The following PTGES3L variants were observed in gnomAD, a reference collection of about 807,000 sequenced individuals.
PTGES3L encodes the protein putative protein PTGES3L.
PTGES3L carries 17 observed loss-of-function variants against 25.0 expected under a neutral mutation model. The ratio of observed to expected loss-of-function variants is 0.68; its 90% CI spans 0.47 to 1.02. The LOEUF (loss-of-function observed/expected upper bound fraction) is 1.02, where lower values mean the gene tolerates loss of function less well. PTGES3L is among the 50% of genes least tolerant of loss of function. The pLI is 0.00. For synonymous variants in PTGES3L, 59 were observed against 65.7 expected, an observed-to-expected ratio of 0.90 and a Z score of 0.50; for missense variants, 202 against 197.5, an observed-to-expected ratio of 1.02 and a Z score of -0.14.
At chr17:42,979,930 A>G in intron 1 of PTGES3L, 116 bp downstream of exon 1, 2 of 1,453,968 alleles carry the variant, frequency 1.4e-6, no homozygotes, top group Middle Eastern at 2.5e-4. Context: ...AGTTACAGAG[A>G]CCAGGGGTCC....
chr17:42,976,955 G>A (rs2049965218), intron 4 of PTGES3L, among the ~76,000 whole-genome samples: 1 of 152,174 alleles, frequency 6.6e-6, no homozygotes, highest in East Asian at 1.9e-4. Flanking sequence ...TAATATTTAA[G>A]AGGTCAGTAG....
chr17:42,969,221 T>A, intron 6 of PTGES3L, 35 bp from the exon 7 acceptor site: 8 of 1,098,416 alleles, frequency 7.3e-6, no homozygotes, highest in Non-Finnish European at 1.1e-5. Flanking sequence ...AAAGCACCTG[T>A]AGACCCTGCA....
chr17:42,979,447 G>C lies in PTGES3L; in HGVS notation c.123-3C>G. 6.2e-7 allele frequency: 1 copy of C among 1,614,200 alleles called. No homozygotes were observed. The highest frequency in any genetic ancestry group is 8.5e-7 in the Non-Finnish European group (1 of 1,180,046). On this transcript the variant is annotated splice_region_variant and splice_polypyrimidine_tract_variant and intron_variant, in intron 2 of 6. Transcript: ENST00000591916. ...CCACTCCATCGGCATTCTTGCAGCT[G>C]AGGAGACAATGAAGCTGAGGAGATG...
chr17:42,976,461 C>A (rs183106768), intron 4 of PTGES3L, among the ~76,000 whole-genome samples: 20 of 152,284 alleles, frequency 1.3e-4, no homozygotes, highest in African/African-American at 4.8e-4. Flanking sequence ...TCACTGCAAC[C>A]TCCACTTCCC....
chr17:42,975,781 A>G (rs962084294), intron 4 of PTGES3L, among the ~76,000 whole-genome samples: 2 of 151,862 alleles, frequency 1.3e-5, no homozygotes, highest in Non-Finnish European at 2.9e-5. Context: ...GGTTCAAGCA[A>G]TTCTCCTGCC....
At position 42,978,042 on chromosome 17, in the gene PTGES3L, A is replaced by C. The variant is rs138399535; in HGVS notation, c.288+1128T>G. Reference sequence around the variant, plus strand: ...TAGTGAGCTGCGATCATGCCATTGCACTCCAGCCTGGGCAACAAGAGCGAA... The same window carrying C: ...TAGTGAGCTGCGATCATGCCATTGCCCTCCAGCCTGGGCAACAAGAGCGAA... On this transcript the variant is annotated intron_variant, in intron 4 of 6. Coordinates refer to ENST00000591916, the MANE Select transcript of PTGES3L (RefSeq NM_001261430.2). Among the ~76,000 whole-genome samples, 490 of 121,406 alleles carry C rather than the reference A, an allele frequency of 4.0e-3. 4 individuals carry two copies. Among genetic ancestry groups the C allele is most frequent in the African/African-American group, 0.014 (463 of 33,352 alleles). 79.6% of individuals were successfully genotyped at this position (121,406 alleles called of 152,430 possible). A position where few individuals can be genotyped will look rare whatever the true frequency, so the allele number is the denominator to read the frequency against.
chr17:42,980,069 A>AAT lies in PTGES3L; in HGVS notation c.-17_-16insAT. ...ACCGTGCCATTGCGGCTCCCGCTCC[A>AAT]GGGTGGCATTTAGAGTTCCAGGCAG... On this transcript the variant is annotated 5_prime_UTR_variant, in exon 1 of 7. Transcript: ENST00000591916. 6.4e-7 allele frequency: 1 copy of AAT among 1,551,380 alleles called. No individual in the cohort carries two copies. The highest frequency in any genetic ancestry group is 8.7e-7 in the Non-Finnish European group (1 of 1,146,920).
chr17:42,977,635 AAGAAAG>A (rs1211094495), intron 4 of PTGES3L, among the ~76,000 whole-genome samples: 4 of 29,078 alleles, frequency 1.4e-4, no homozygotes, highest in African/African-American at 2.1e-4. Context: ...AAGAAAAAGA[AAGAAAG>A]AGAGAGAGGG....
At chr17:42,972,690 C>T (rs542089174) in intron 4 of PTGES3L, among the ~76,000 whole-genome samples, 226 of 152,252 alleles carry the variant, frequency 1.5e-3, no homozygotes, top group Non-Finnish European at 2.4e-3. Flanking sequence ...ACCTCCCAGC[C>T]GCCTGCCTTG....
rs752219984 is a variant in PTGES3L at position 42,971,656 on chromosome 17, C to G, written c.329G>C (p.Trp110Ser). 5 of 1,613,986 alleles carry G rather than the reference C, an allele frequency of 3.1e-6. No individual in the cohort carries two copies. The African/African-American group carries it at 5.3e-5, about 17-fold the overall frequency. ...LSVDFDNWRD[W>S]EGDEEMELAH... ...CAGCTCCATCTCTTCATCCCCTTCC[C>G]AGTCTCTCCAGTTATCAAAGTCCAC... The change falls in exon 5 of 7, where the codon TGG (tryptophan) becomes TCG (serine). Residue 110 changes from tryptophan to serine, a missense_variant. By Grantham distance (177) the Trp-to-Ser change is radical (BLOSUM62 -3). Coordinates refer to ENST00000591916, the MANE Select transcript of PTGES3L (RefSeq NM_001261430.2).
At chr17:42,974,836 G>T (rs937401337) in intron 4 of PTGES3L, among the ~76,000 whole-genome samples, 3 of 151,206 alleles carry the variant, frequency 2.0e-5, no homozygotes, top group Admixed American at 6.6e-5. Context: ...TTGGCACTGG[G>T]TTTATAAAAA....
intron 4 of PTGES3L, among the ~76,000 whole-genome samples, chr17:42,978,540 T>A (rs1441947401): frequency 6.6e-6 from 1 of 152,094 alleles, no homozygotes; most frequent in African/African-American, 2.4e-5. Context: ...GAAAGTAAGT[T>A]AACTGGGAGA....
intron 4 of PTGES3L, among the ~76,000 whole-genome samples, chr17:42,973,055 C>T (rs1440731783): frequency 2.8e-5 from 4 of 140,474 alleles, no homozygotes; most frequent in Non-Finnish European, 6.3e-5. Flanking sequence ...CCGGCCGCCC[C>T]GTCTGAGAAG....
intron 4 of PTGES3L, among the ~76,000 whole-genome samples, chr17:42,976,410 G>A (rs534243662): frequency 2.3e-4 from 35 of 151,690 alleles, no homozygotes; most frequent in Non-Finnish European, 4.1e-4. Context: ...ACGTTGTCTC[G>A]CTCTGTCGCC....
rs537253669 is a variant in PTGES3L at position 42,970,330 on chromosome 17, CCTT to C, written c.388_390del (p.Lys130del). On this transcript the variant is annotated inframe_deletion, in exon 6 of 7. Coordinates refer to ENST00000591916, the MANE Select transcript of PTGES3L (RefSeq NM_001261430.2). ...GCAGGTGGAGGTCTCTTGGTGCTGACCTTCTTCAAAAGCTAGTGGGAAGAAAAA... is the reference window on the plus strand; with the variant it reads ...GCAGGTGGAGGTCTCTTGGTGCTGACCTTCAAAAGCTAGTGGGAAGAAAAA... 1.3e-4 allele frequency: 217 copies of C among 1,613,796 alleles called. 1 individual carries two copies. The South Asian group carries it at 2.2e-3, about 16-fold the overall frequency.
At chr17:42,978,077 CAAAAAAAA>C (rs368420097) in intron 4 of PTGES3L, among the ~76,000 whole-genome samples, 14 of 47,394 alleles carry the variant, frequency 3.0e-4, no homozygotes, top group Admixed American at 1.6e-3. Flanking sequence ...AACTCCGAAT[CAAAAAAAA>C]AAAAAAAAAA....
chr17:42,970,388 A>G, intron 5 of PTGES3L, 46 bp from the exon 6 acceptor site: 1 of 1,608,904 alleles, frequency 6.2e-7, no homozygotes, highest in East Asian at 2.2e-5. Context: ...GAGTGAAGGA[A>G]GAACAATCTG....
chr17:42,972,123 G>A lies in PTGES3L; in HGVS notation c.289-427C>T, dbSNP rs1285442200. ...GAATTGCTTGAGCCTGGGAGGCGGA[G>A]GTCGCAGTGAGCCAAGATCGTGCCA... On this transcript the variant is annotated intron_variant, in intron 4 of 6. Transcript: ENST00000591916. 9 of 169,918 alleles carry A rather than the reference G, an allele frequency of 5.3e-5. No homozygotes were observed. The East Asian group carries it at 1.5e-3, about 28-fold the overall frequency. The allele number at this position is 169,918 out of a possible 1,614,324, so 10.5% of individuals were successfully genotyped here.
chr17:42,974,648 T>G (rs1316329523), intron 4 of PTGES3L, among the ~76,000 whole-genome samples: 1 of 151,684 alleles, frequency 6.6e-6, no homozygotes, highest in Non-Finnish European at 1.5e-5. Flanking sequence ...TGGTGGGCAC[T>G]TGTAATCCCA....
Sources: gnomAD v4.1 joint callset for allele counts (sites outside exome capture counted in the v4.1 genomes callset) on GRCh38, gnomAD v4.1.1 for gene constraint, MANE v1.5 for transcripts, NCBI Gene and HGNC (gene_info 2026-07-23, HGNC 2026-07-21) for gene names.